The following KIFC1 variants were observed in gnomAD, a reference collection of about 807,000 sequenced individuals.
KIFC1 encodes the protein kinesin-like protein KIFC1.
In KIFC1, 37 loss-of-function variants were observed where a neutral mutation model predicts 66.6. That is an observed-to-expected ratio of 0.56 (90% CI 0.43 to 0.73). The LOEUF (loss-of-function observed/expected upper bound fraction) is 0.73. Ranked by LOEUF, KIFC1 falls within the 30% of genes least tolerant of loss-of-function variation. The pLI, the probability that KIFC1 is intolerant of heterozygous loss-of-function variation, is 0.00. For missense variants in KIFC1, 721 were observed against 859.8 expected, an observed-to-expected ratio of 0.84 and a Z score of 2.02; for synonymous variants, 325 against 343.5, an observed-to-expected ratio of 0.95 and a Z score of 0.60.
rs1274656890 is a variant in KIFC1, at chr6:33,409,748, T to A, written c.*58T>A. On this transcript the variant is annotated 3_prime_UTR_variant, in exon 11 of 11. Transcript: ENST00000428849. Reference sequence around the variant, plus strand: ...GTGTGTGTGTGTGTGTGTGTGTGTGTGTGTGTCCCTATGTCTATGTATCGG... The same window carrying A: ...GTGTGTGTGTGTGTGTGTGTGTGTGAGTGTGTCCCTATGTCTATGTATCGG... 1.3e-5 allele frequency: 18 copies of A among 1,432,330 alleles called. 1 individual carries two copies. The highest frequency in any genetic ancestry group is 1.5e-5 in the Non-Finnish European group (16 of 1,032,374). 88.7% of individuals were successfully genotyped at this position (1,432,330 alleles called of 1,614,324 possible). A position where few individuals can be genotyped will look rare whatever the true frequency, so the allele number is the denominator to read the frequency against.
intron 1 of KIFC1, 30 bp from the exon 2 acceptor site, chr6:33,397,999 T>TA (rs1218165283): frequency 6.2e-7 from 1 of 1,609,842 alleles, no homozygotes; most frequent in Non-Finnish European, 8.5e-7. Context: ...GGCTCCTGGG[T>TA]ATTGTCTTAA....
rs979495444 is a variant in KIFC1, at chr6:33,409,795, G to A, written c.*105G>A. On this transcript the variant is annotated 3_prime_UTR_variant, in exon 11 of 11. Coordinates refer to ENST00000428849, the MANE Select transcript of KIFC1 (RefSeq NM_002263.4). Reference sequence around the variant, plus strand: ...TCGGGTGAGGGGTGGGAGGGTTGCTGGAGGGTGCTTTATTGGGTGGAGGGC... The same window carrying A: ...TCGGGTGAGGGGTGGGAGGGTTGCTAGAGGGTGCTTTATTGGGTGGAGGGC... 11 of 1,251,532 alleles carry A rather than the reference G, an allele frequency of 8.8e-6. No individual in the cohort carries two copies. The African/African-American group carries it at 1.7e-4, about 19-fold the overall frequency. 77.5% of individuals were successfully genotyped at this position (1,251,532 alleles called of 1,614,324 possible).
chr6:33,408,767 C>T (rs964143800), intron 10 of KIFC1, among the ~76,000 whole-genome samples: 1 of 152,124 alleles, frequency 6.6e-6, no homozygotes, highest in Admixed American at 6.5e-5. Flanking sequence ...TTCAGTGGCT[C>T]AATCATAGCT....
Position 33,406,767 on chromosome 6 carries a change from A to G in KIFC1, c.1902-33A>G. The stretch of plus-strand genomic sequence containing the variant: ...ACCTGTCCAGGCTCTGCTGGCCCCT[A>G]ATGCTGGGGTTGGGCACATTGTCTT... On this transcript the variant is annotated intron_variant, in intron 9 of 10. Transcript: ENST00000428849. This position sits in a 1 kb window ranked among gnomAD's most constrained non-coding sequence, Gnocchi z 4.5. The G allele has an allele frequency of 6.2e-7, 1 of 1,613,592 alleles. No individual in the cohort carries two copies. The highest frequency in any genetic ancestry group is 2.2e-5 in the East Asian group (1 of 44,878).
Position 33,400,615 on chromosome 6 carries a change from CT to C in KIFC1, c.250+2230del. On this transcript the variant is annotated intron_variant, in intron 3 of 10. Transcript: ENST00000428849. The surrounding 1 kb of genome is among the most constrained non-coding windows in gnomAD (Gnocchi z 4.3). ...TCAGGATGACCGAAGAAAGTTGCACCTTGGCCTCCTCCGAGCCGAAAGCCGA... is the reference window on the plus strand; with the variant it reads ...TCAGGATGACCGAAGAAAGTTGCACCTGGCCTCCTCCGAGCCGAAAGCCGA... 1 of 859,566 alleles carries C rather than the reference CT, an allele frequency of 1.2e-6. No homozygotes were observed. Among genetic ancestry groups the C allele is most frequent in the Non-Finnish European group, 1.9e-6 (1 of 534,196 alleles). The allele number at this position is 859,566 out of a possible 1,614,324, so 53.2% of individuals were successfully genotyped here.
chr6:33,393,748 AT>A lies in KIFC1; in HGVS notation c.12+1768del, dbSNP rs35719649. 2.7e-3 allele frequency among the ~76,000 whole-genome samples: 314 copies of A among 115,720 alleles called. 1 individual carries two copies. The highest frequency in any genetic ancestry group is 4.4e-3 in the African/African-American group (128 of 29,344). The allele number at this position is 115,720 out of a possible 152,430, so 75.9% of individuals were successfully genotyped here. A position where few individuals can be genotyped will look rare whatever the true frequency, so the allele number is the denominator to read the frequency against. On this transcript the variant is annotated intron_variant, in intron 1 of 10. Coordinates refer to ENST00000428849, the MANE Select transcript of KIFC1 (RefSeq NM_002263.4). ...GGCATGAGCCACCGTGCCCTGCAAC[AT>A]TTTTTTTTTTTTTTTTGAGAAGTAG...
rs773645785 is a variant in KIFC1, at chr6:33,404,003, T to G, written c.630T>G (p.Arg210=). ...EQGQQELKNL[R]ACVLELEERL... ...GCCAACAGGAGCTGAAGAACTTGCG[T>G]GCTTGTGTCCTGGAGCTGGAAGAGC... is the stretch of plus-strand genomic sequence containing the variant. Residue 210 remains arginine, a synonymous_variant, in exon 6 of 11, where the codon CGT becomes CGG. Transcript: ENST00000428849. This position sits in a 1 kb window ranked among gnomAD's most constrained non-coding sequence, Gnocchi z 4.0. The G allele has an allele frequency of 3.1e-6, 5 of 1,614,154 alleles. No individual in the cohort carries two copies. The highest frequency in any genetic ancestry group is 3.4e-6 in the Non-Finnish European group (4 of 1,180,024).
At position 33,406,748 on chromosome 6, in the gene KIFC1, C is replaced by T. The variant is rs376515213; in HGVS notation, c.1902-52C>T. On this transcript the variant is annotated intron_variant, in intron 9 of 10. Coordinates refer to ENST00000428849, the MANE Select transcript of KIFC1 (RefSeq NM_002263.4). This position sits in a 1 kb window ranked among gnomAD's most constrained non-coding sequence, Gnocchi z 4.5. ...AGAAAGGGGAACAGTGGAGACCTGT[C>T]CAGGCTCTGCTGGCCCCTAATGCTG... The T allele has an allele frequency of 2.5e-6, 4 of 1,611,342 alleles. No homozygotes were observed. Among genetic ancestry groups the T allele is most frequent in the Non-Finnish European group, 2.5e-6 (3 of 1,177,492 alleles).
In KIFC1 at chr6:33,401,430, C is replaced by T. The variant is rs139022734; in HGVS notation, c.251-1884C>T. 8.3e-4 allele frequency among the ~76,000 whole-genome samples: 126 copies of T among 152,054 alleles called. No individual in the cohort carries two copies. The East Asian group carries it at 0.013, about 16-fold the overall frequency. Reference sequence around the variant, plus strand: ...ATTACAGACATGAGTTACTGCGCCCCGCCTGAAATTCTTTTTTTAATTTAA... The same window carrying T: ...ATTACAGACATGAGTTACTGCGCCCTGCCTGAAATTCTTTTTTTAATTTAA... On this transcript the variant is annotated intron_variant, in intron 3 of 10. Coordinates refer to ENST00000428849, the MANE Select transcript of KIFC1 (RefSeq NM_002263.4). This position sits in a 1 kb window ranked among gnomAD's most constrained non-coding sequence, Gnocchi z 4.5.
intron 1 of KIFC1, among the ~76,000 whole-genome samples, chr6:33,396,827 G>T (rs558041409): frequency 6.5e-4 from 99 of 151,552 alleles, no homozygotes; most frequent in Non-Finnish European, 7.1e-4. Context: ...GACTACAGGC[G>T]CCTGCCACCA....
chr6:33,398,226 G>C (rs1457930750), intron 2 of KIFC1, 60 bp downstream of exon 2: 1 of 1,612,214 alleles, frequency 6.2e-7, no homozygotes, highest in Non-Finnish European at 8.5e-7. Context: ...TGAAAGAAAG[G>C]AGAGAGAGAG....
rs1775696325 is a variant in KIFC1 at position 33,406,968 on chromosome 6, A to AT, written c.1977+96dup. ...TTTTGTCTTCTAGGGCAGGGAGCAC[A>AT]TTTGTGCAGAAAGGTTTTGCAGGTA... On this transcript the variant is annotated intron_variant, in intron 10 of 10. Coordinates refer to ENST00000428849, the MANE Select transcript of KIFC1 (RefSeq NM_002263.4). The surrounding 1 kb of genome is among the most constrained non-coding windows in gnomAD (Gnocchi z 4.5). The AT allele has an allele frequency of 6.4e-7, 1 of 1,556,170 alleles. No individual in the cohort carries two copies. Among genetic ancestry groups the AT allele is most frequent in the East Asian group, 2.3e-5 (1 of 43,540 alleles).
rs770834046 is a variant in KIFC1 at position 33,409,716 on chromosome 6, T to TG, written c.*27dup. The TG allele has an allele frequency of 3.2e-6, 3 of 944,574 alleles. No individual in the cohort carries two copies. The Admixed American group carries it at 7.7e-5, about 24-fold the overall frequency. 58.5% of individuals were successfully genotyped at this position (944,574 alleles called of 1,614,324 possible). Reference sequence around the variant, plus strand: ...AGACGGATCCAGATCTGTGTGTGTGTGTGTGTGTGTGTGTGTGTGTGTGTG... The same window carrying TG: ...AGACGGATCCAGATCTGTGTGTGTGTGGTGTGTGTGTGTGTGTGTGTGTGTG... On this transcript the variant is annotated 3_prime_UTR_variant, in exon 11 of 11. Transcript: ENST00000428849.
At chr6:33,391,774 A>C (rs1011096127), upstream of KIFC1, 5 of 646,788 alleles carry the variant, frequency 7.7e-6, no homozygotes, top group East Asian at 8.3e-5. Context: ...GGCGACAGCG[A>C]CGATTGGTCC....
Position 33,406,152 on chromosome 6 carries a change from C to A in KIFC1, c.1537-44C>A. The A allele has an allele frequency of 6.5e-7, 1 of 1,548,166 alleles. No individual in the cohort carries two copies. The stretch of plus-strand genomic sequence containing the variant: ...TCATTTCCATACATATTACTATGTA[C>A]TGACTTCTGCCTGCCTTTTTGCCCC... On this transcript the variant is annotated intron_variant, in intron 7 of 10. Transcript: ENST00000428849. The surrounding 1 kb of genome is among the most constrained non-coding windows in gnomAD (Gnocchi z 4.5).
Position 33,406,063 on chromosome 6 carries a change from T to A in KIFC1, c.1537-133T>A. ...TATTCCTTACCATTTTCAGACATAC[T>A]GTGCATCTTATTTTGTTTCTTGACA... On this transcript the variant is annotated intron_variant, in intron 7 of 10. Transcript: ENST00000428849. This position sits in a 1 kb window ranked among gnomAD's most constrained non-coding sequence, Gnocchi z 4.5. The A allele has an allele frequency of 1.2e-6, 1 of 806,222 alleles. No individual in the cohort carries two copies. The highest frequency in any genetic ancestry group is 1.8e-5 in the South Asian group (1 of 54,690). 49.9% of individuals were successfully genotyped at this position (806,222 alleles called of 1,614,324 possible).
In KIFC1 at chr6:33,400,555, A is replaced by G. The variant is rs1381326348; in HGVS notation, c.250+2168A>G. 4 of 1,404,884 alleles carry G rather than the reference A, an allele frequency of 2.8e-6. No homozygotes were observed. The East Asian group carries it at 7.0e-5, about 24-fold the overall frequency. 87.0% of individuals were successfully genotyped at this position (1,404,884 alleles called of 1,614,324 possible). ...CTCGTTGGGGTCGAACTTCGGTGGC[A>G]TGGTGGAGGCAGCTGGTGTCGGATG... is the stretch of plus-strand genomic sequence containing the variant. On this transcript the variant is annotated intron_variant, in intron 3 of 10. Coordinates refer to ENST00000428849, the MANE Select transcript of KIFC1 (RefSeq NM_002263.4). This position sits in a 1 kb window ranked among gnomAD's most constrained non-coding sequence, Gnocchi z 4.3.
chr6:33,399,711 T>TA (rs1283358672), intron 3 of KIFC1, among the ~76,000 whole-genome samples: 2 of 152,192 alleles, frequency 1.3e-5, no homozygotes, highest in East Asian at 1.9e-4. Flanking sequence ...ATATAAATGA[T>TA]AAAAAATGGC....
rs561309599 is a variant in KIFC1 at position 33,404,892 on chromosome 6, A to G, written c.797A>G (p.Gln266Arg). ...QTSEAALSSS[Q>R]AEVASLRQET... ...TCAGAAGCAGCCCTGTCAAGCAGCC[A>G]AGCAGAGGTGGCATCTCTGCGGCAG... is the stretch of plus-strand genomic sequence containing the variant. Residue 266 changes from glutamine to arginine, a missense_variant, in exon 7 of 11, where the codon CAA becomes CGA. By Grantham distance (43) the Gln-to-Arg change is conservative. Coordinates refer to ENST00000428849, the MANE Select transcript of KIFC1 (RefSeq NM_002263.4). The surrounding 1 kb of genome is among the most constrained non-coding windows in gnomAD (Gnocchi z 4.0). 1.9e-6 allele frequency: 3 copies of G among 1,613,772 alleles called. No individual in the cohort carries two copies. The East Asian group carries it at 6.7e-5, about 36-fold the overall frequency.
Sources: allele counts gnomAD v4.1 joint callset (sites outside exome capture counted in the v4.1 genomes callset), GRCh38; gene constraint gnomAD v4.1.1; non-coding constraint Gnocchi (gnomAD v3.1); transcripts MANE v1.5; gene names NCBI Gene and HGNC (gene_info 2026-07-23, HGNC 2026-07-21).